EYS: variants seen among roughly 807,000 people sequenced by gnomAD.
EYS encodes EGF-like photoreceptor maintenance factor, also known as protein eyes shut homolog.
Under a neutral mutation model 282.1 loss-of-function variants are expected in EYS, and 250 were observed. The ratio of observed to expected loss-of-function variants is 0.89; its 90% confidence interval spans 0.80 to 0.98. The LOEUF is 0.98. Ranked by LOEUF, EYS falls within the 50% of genes least tolerant of loss-of-function variation. The pLI, the probability that EYS is intolerant of heterozygous loss-of-function variation, is 0.00. For missense variants in EYS, 4,016 were observed against 3,709.0 expected, an observed-to-expected ratio of 1.08 and a Z score of -2.15; for synonymous variants, 1,355 against 1,282.9, an observed-to-expected ratio of 1.06 and a Z score of -1.20.
At position 65,120,398 on chromosome 6, in the gene EYS, G is replaced by T. The variant is rs1775501589; in HGVS notation, c.2024-62671C>A. Among the ~76,000 whole-genome samples, 3 of 133,570 alleles carry T rather than the reference G, an allele frequency of 2.2e-5. No homozygotes were observed. The South Asian group carries it at 7.0e-4, about 31-fold the overall frequency. 87.6% of individuals were successfully genotyped at this position (133,570 alleles called of 152,430 possible). A position where few individuals can be genotyped will look rare whatever the true frequency, so the allele number is the denominator to read the frequency against. On this transcript the variant is annotated intron_variant, in intron 12 of 42. Transcript: ENST00000503581. ...TCTCTTACACATCACATATGTCAGAGACAAGGACTGACATGGCTCATTATC... is the reference window on the plus strand; with the variant it reads ...TCTCTTACACATCACATATGTCAGATACAAGGACTGACATGGCTCATTATC...
chr6:65,698,197 CA>C (rs1221214407), intron 1 of EYS, among the ~76,000 whole-genome samples: 1 of 152,006 alleles, frequency 6.6e-6, no homozygotes, highest in Non-Finnish European at 1.5e-5. Context: ...AGCACTGACA[CA>C]AATAAATATT....
intron 22 of EYS, among the ~76,000 whole-genome samples, chr6:64,747,468 C>T (rs761690461): frequency 2.6e-4 from 39 of 152,056 alleles, no homozygotes; most frequent in Non-Finnish European, 3.4e-4. Context: ...TCCGCCTCCC[C>T]GGTCCTGGTT....
At position 65,177,547 on chromosome 6, in the gene EYS, T is replaced by G. The variant is rs141182615; in HGVS notation, c.2023+118316A>C. Among the ~76,000 whole-genome samples the G allele has an allele frequency of 2.0e-4, 30 of 151,992 alleles. No homozygotes were observed. In the East Asian group the frequency reaches 3.9e-3, roughly 20 times the overall value. On this transcript the variant is annotated intron_variant, in intron 12 of 42. Transcript: ENST00000503581. ...TATGCTATATATATTCTTTTGTATC[T>G]GTCTTTTTTTAGCAAGTTTGTTCTC... is the stretch of plus-strand genomic sequence containing the variant.
intron 35 of EYS, among the ~76,000 whole-genome samples, chr6:63,877,132 C>G (rs1406715210): frequency 2.0e-5 from 3 of 152,120 alleles, no homozygotes; most frequent in Admixed American, 1.3e-4. Flanking sequence ...ATGTTTAGTG[C>G]TTCCTTCAGG....
chr6:65,066,448 A>G (rs1273260184), intron 12 of EYS, among the ~76,000 whole-genome samples: 2 of 152,198 alleles, frequency 1.3e-5, no homozygotes, highest in Admixed American at 1.3e-4. Flanking sequence ...TTTTCCTATA[A>G]TGCTCAGTCT....
intron 13 of EYS, among the ~76,000 whole-genome samples, chr6:65,021,578 T>C (rs111879001): frequency 1.3e-5 from 2 of 152,364 alleles, no homozygotes; most frequent in African/African-American, 4.8e-5. Flanking sequence ...CATTTTTCTG[T>C]CTTTTTCTGA....
rs372517498 is a variant in EYS at position 64,686,803 on chromosome 6, ATGTG to A, written c.3444-60562_3444-60559del. Among the ~76,000 whole-genome samples, 48 of 47,780 alleles carry A rather than the reference ATGTG, an allele frequency of 1.0e-3. 2 individuals are homozygous for A. Among genetic ancestry groups the A allele is most frequent in the African/African-American group, 3.2e-3 (42 of 13,050 alleles). 31.3% of individuals were successfully genotyped at this position (47,780 alleles called of 152,430 possible). ...TATATATATATGTGTGTATATATATATGTGTGTATATATATATGTGTATATATAT... is the reference window on the plus strand; with the variant it reads ...TATATATATATGTGTGTATATATATATGTATATATATATGTGTATATATAT... On this transcript the variant is annotated intron_variant, in intron 22 of 42. Transcript: ENST00000503581.
chr6:64,998,769 A>C (rs1346946106), intron 13 of EYS, among the ~76,000 whole-genome samples: 2 of 152,236 alleles, frequency 1.3e-5, no homozygotes, highest in Admixed American at 6.5e-5. Context: ...CTTCTATGTT[A>C]CACATGGTAT....
intron 26 of EYS, among the ~76,000 whole-genome samples, chr6:64,450,683 A>G (rs1450795520): frequency 6.6e-6 from 1 of 152,242 alleles, no homozygotes; most frequent in East Asian, 1.9e-4. Flanking sequence ...CAATCAAACT[A>G]GAACTCAGGA....
At chr6:64,063,244 C>A (rs1771244362) in intron 33 of EYS, among the ~76,000 whole-genome samples, 1 of 152,168 alleles carries the variant, frequency 6.6e-6, no homozygotes, top group Non-Finnish European at 1.5e-5. Flanking sequence ...CCTTCTCTGA[C>A]CTTTACTTCC....
rs1408204826 is a variant in EYS at position 64,249,836 on chromosome 6, A to G, written c.6192-19012T>C. Among the ~76,000 whole-genome samples the G allele has an allele frequency of 3.9e-5, 6 of 152,286 alleles. No individual in the cohort carries two copies. The East Asian group carries it at 1.2e-3, about 29-fold the overall frequency. ...ATCTTTTTTTCTTGCTACCCCTTCA[A>G]TGTCCTTCCATCACATTGCCCAAAC... On this transcript the variant is annotated intron_variant, in intron 30 of 42. Coordinates refer to ENST00000503581, the MANE Select transcript of EYS (RefSeq NM_001142800.2).
chr6:64,269,104 T>C (rs1202429368), intron 30 of EYS, among the ~76,000 whole-genome samples: 1 of 152,150 alleles, frequency 6.6e-6, no homozygotes, highest in Non-Finnish European at 1.5e-5. Flanking sequence ...AAGGTTCTAA[T>C]TGATTCATCA....
chr6:65,353,426 G>A lies in EYS; in HGVS notation c.1459+32C>T, dbSNP rs777145861. ...ACTAGCAAATTTTGAAATGATTCAA[G>A]CAGATTGAAAAAAATTACATAAATT... On this transcript the variant is annotated intron_variant, in intron 9 of 42. Transcript: ENST00000503581. 1.4e-5 allele frequency: 23 copies of A among 1,602,634 alleles called. No individual in the cohort carries two copies. In the South Asian group the frequency reaches 2.0e-4, roughly 14 times the overall value.
chr6:64,241,464 G>T (rs942440734), intron 30 of EYS, among the ~76,000 whole-genome samples: 81 of 152,032 alleles, frequency 5.3e-4, no homozygotes, highest in African/African-American at 1.7e-3. Context: ...GTTTAGTCTT[G>T]GGAGGGTGTA....
At chr6:65,251,374 A>G (rs2150283219) in intron 12 of EYS, among the ~76,000 whole-genome samples, 1 of 151,866 alleles carries the variant, frequency 6.6e-6, no homozygotes, top group East Asian at 1.9e-4. Flanking sequence ...GCAATTTATT[A>G]CAAACTATAA....
chr6:65,110,195 G>A (rs1775175150), intron 12 of EYS, among the ~76,000 whole-genome samples: 1 of 152,038 alleles, frequency 6.6e-6, no homozygotes, highest in South Asian at 2.1e-4. Context: ...ACTTCTTACA[G>A]TAATTGCAAA....
chr6:65,181,777 T>G (rs1034668690), intron 12 of EYS, among the ~76,000 whole-genome samples: 2 of 152,106 alleles, frequency 1.3e-5, no homozygotes, highest in African/African-American at 4.8e-5. Flanking sequence ...ATTGCGGCAC[T>G]ATTCACAATA....
At chr6:65,521,400 T>C (rs1408915942) in intron 2 of EYS, among the ~76,000 whole-genome samples, 1 of 152,144 alleles carries the variant, frequency 6.6e-6, no homozygotes, top group Non-Finnish European at 1.5e-5. Context: ...ACAAAATCAT[T>C]GTGAGGACTA....
intron 22 of EYS, among the ~76,000 whole-genome samples, chr6:64,738,073 T>G (rs563748512): frequency 6.6e-6 from 1 of 152,044 alleles, no homozygotes; most frequent in African/African-American, 2.4e-5. Context: ...ATAAAAACAA[T>G]TGTGTTAGTT....
Sources: gnomAD v4.1 joint callset for allele counts (sites outside exome capture counted in the v4.1 genomes callset) on GRCh38, gnomAD v4.1.1 for gene constraint, MANE v1.5 for transcripts, NCBI Gene and HGNC (gene_info 2026-07-23, HGNC 2026-07-21) for gene names.